The following CDH18 variants were observed in gnomAD, a reference collection of about 807,000 sequenced individuals.
The protein encoded by CDH18 is cadherin-18.
A neutral mutation model predicts 67.9 loss-of-function variants in CDH18; 31 were observed. The observed-to-expected ratio is 0.46, with a 90% CI of 0.34 to 0.62. The LOEUF (loss-of-function observed/expected upper bound fraction) is 0.62, where lower values mean the gene tolerates loss of function less well. Among genes scored for constraint, CDH18 ranks in the 20% least tolerant of loss-of-function variants. The pLI, the probability that CDH18 is intolerant of heterozygous loss-of-function variation, is 0.01. For synonymous variants in CDH18, 362 were observed against 347.2 expected, an observed-to-expected ratio of 1.04 and a Z score of -0.48; for missense variants, 890 against 975.5, an observed-to-expected ratio of 0.91 and a Z score of 1.17.
intron 4 of CDH18, among the ~76,000 whole-genome samples, chr5:19,726,613 C>T (rs909904072): frequency 2.0e-5 from 3 of 152,128 alleles, no homozygotes; most frequent in Non-Finnish European, 2.9e-5. Flanking sequence ...GGATCTTTTA[C>T]TAGGTAGGAC....
chr5:20,058,460 A>T (rs909133263), intron 2 of CDH18, among the ~76,000 whole-genome samples: 3 of 152,102 alleles, frequency 2.0e-5, no homozygotes, highest in African/African-American at 7.2e-5. Flanking sequence ...TGAAGGGAAA[A>T]ACTTAATTTC....
intron 2 of CDH18, among the ~76,000 whole-genome samples, chr5:20,184,148 T>C (rs1184495902): frequency 6.6e-6 from 1 of 152,044 alleles, no homozygotes; most frequent in East Asian, 1.9e-4. Flanking sequence ...TCTAGTGACA[T>C]AAATCTTCAA....
At chr5:20,215,705 C>T (rs1007392350) in intron 2 of CDH18, among the ~76,000 whole-genome samples, 11 of 151,790 alleles carry the variant, frequency 7.2e-5, no homozygotes, top group Admixed American at 6.6e-4. Flanking sequence ...TTCATAATAT[C>T]AGAGACATGA....
intron 2 of CDH18, among the ~76,000 whole-genome samples, chr5:19,884,070 T>G (rs1787941552): frequency 6.6e-6 from 1 of 152,146 alleles, no homozygotes; most frequent in African/African-American, 2.4e-5. Flanking sequence ...ATGTATAATC[T>G]TTAAGCCTTT....
chr5:20,041,368 C>T (rs949115444), intron 2 of CDH18, among the ~76,000 whole-genome samples: 2 of 152,182 alleles, frequency 1.3e-5, no homozygotes, highest in Admixed American at 6.5e-5. Flanking sequence ...ACTTGATTTA[C>T]AAATCAGACC....
At chr5:19,481,805 C>T (rs1367956655) in intron 12 of CDH18, among the ~76,000 whole-genome samples, 1 of 152,074 alleles carries the variant, frequency 6.6e-6, no homozygotes, top group East Asian at 1.9e-4. Flanking sequence ...GAAAAACAGT[C>T]AATTATCTTT....
chr5:19,513,422 G>C lies in CDH18; in HGVS notation c.1512+7235C>G, dbSNP rs140443885. On this transcript the variant is annotated intron_variant, in intron 10 of 12. Coordinates refer to ENST00000382275, the MANE Select transcript of CDH18 (RefSeq NM_004934.5). ...AGTCTATAGTTACAAGAGGCGGTAA[G>C]CCTCTTGATTTTTTCCTAATATTCT... is the stretch of plus-strand genomic sequence containing the variant. Among the ~76,000 whole-genome samples, 634 of 152,178 alleles carry C rather than the reference G, an allele frequency of 4.2e-3. 8 individuals carry two copies. Among genetic ancestry groups the C allele is most frequent in the African/African-American group, 0.014 (592 of 41,556 alleles).
rs1161919515 is a variant in CDH18, at chr5:20,178,502, G to GA, written c.-518+76941dup. 8.0e-3 allele frequency among the ~76,000 whole-genome samples: 1,100 copies of GA among 137,520 alleles called. 10 individuals carry two copies. Among genetic ancestry groups the GA allele is most frequent in the African/African-American group, 0.025 (962 of 38,092 alleles). 90.2% of individuals were successfully genotyped at this position (137,520 alleles called of 152,430 possible). A position where few individuals can be genotyped will look rare whatever the true frequency, so the allele number is the denominator to read the frequency against. On this transcript the variant is annotated intron_variant, in intron 2 of 14. Transcript: ENST00000507958. Reference sequence around the variant, plus strand: ...GTAGCTTCTTTTCAGTTCTAATTAAGAAAAAAAAAAACATGAAATACCCAG... The same window carrying GA: ...GTAGCTTCTTTTCAGTTCTAATTAAGAAAAAAAAAAAACATGAAATACCCAG...
chr5:20,398,886 C>G (rs1183013740), intron 1 of CDH18, among the ~76,000 whole-genome samples: 3 of 150,306 alleles, frequency 2.0e-5, no homozygotes, highest in African/African-American at 7.3e-5. Context: ...CGTAGAAAAC[C>G]ACCACGGCAC....
At chr5:20,166,126 T>A (rs1052618361) in intron 2 of CDH18, among the ~76,000 whole-genome samples, 1 of 151,796 alleles carries the variant, frequency 6.6e-6, no homozygotes, top group Non-Finnish European at 1.5e-5. Flanking sequence ...TCCTTTACTT[T>A]AAACAAACAA....
chr5:19,942,798 C>T (rs762988233), intron 2 of CDH18, among the ~76,000 whole-genome samples: 2 of 152,158 alleles, frequency 1.3e-5, no homozygotes, highest in Admixed American at 6.6e-5. Context: ...ATGAGGCAAA[C>T]CTCAGGAGCA....
At chr5:20,065,364 T>A (rs1742889132) in intron 2 of CDH18, among the ~76,000 whole-genome samples, 1 of 151,982 alleles carries the variant, frequency 6.6e-6, no homozygotes, top group Non-Finnish European at 1.5e-5. Flanking sequence ...TCTAAATAAT[T>A]TAATTATGTA....
intron 2 of CDH18, among the ~76,000 whole-genome samples, chr5:19,920,403 T>C (rs1027448223): frequency 7.2e-5 from 11 of 152,140 alleles, no homozygotes; most frequent in African/African-American, 1.7e-4. Flanking sequence ...AGTAAGGTCA[T>C]TGCTGTCACT....
intron 7 of CDH18, among the ~76,000 whole-genome samples, chr5:19,586,075 T>C (rs1019150097): frequency 1.3e-5 from 2 of 152,132 alleles, no homozygotes; most frequent in African/African-American, 4.8e-5. Context: ...CAATTATGGG[T>C]ATATTAATTC....
intron 5 of CDH18, among the ~76,000 whole-genome samples, chr5:19,653,155 T>TTTA (rs1755820499): frequency 6.6e-6 from 1 of 151,776 alleles, no homozygotes; most frequent in Non-Finnish European, 1.5e-5. Flanking sequence ...CCTTTACTTT[T>TTTA]AAATGGCAAA....
At chr5:19,718,601 C>T (rs1441152647) in intron 5 of CDH18, among the ~76,000 whole-genome samples, 1 of 151,900 alleles carries the variant, frequency 6.6e-6, no homozygotes, top group East Asian at 1.9e-4. Context: ...CCCTACTTAG[C>T]ACTTTCTACT....
At chr5:19,720,409 T>C (rs1030113374) in intron 5 of CDH18, among the ~76,000 whole-genome samples, 4 of 152,160 alleles carry the variant, frequency 2.6e-5, no homozygotes, top group African/African-American at 9.6e-5. Context: ...TAGATCTCTC[T>C]CTACTTCATC....
At chr5:20,064,610 C>A (rs1175824385) in intron 2 of CDH18, among the ~76,000 whole-genome samples, 1 of 151,894 alleles carries the variant, frequency 6.6e-6, no homozygotes, top group Non-Finnish European at 1.5e-5. Context: ...TTTCAGATAC[C>A]TATAGGTGAC....
chr5:20,036,116 A>G (rs911542681), intron 2 of CDH18, among the ~76,000 whole-genome samples: 2 of 152,032 alleles, frequency 1.3e-5, no homozygotes, highest in East Asian at 3.9e-4. Context: ...TAGAAGATAA[A>G]TGTGGACTAA....
Sources: gnomAD v4.1 joint callset for allele counts (sites outside exome capture counted in the v4.1 genomes callset) on GRCh38, gnomAD v4.1.1 for gene constraint, MANE v1.5 for transcripts, NCBI Gene and HGNC (gene_info 2026-07-23, HGNC 2026-07-21) for gene names.